OTUB2: variants seen among roughly 807,000 people sequenced by gnomAD.
OTUB2 encodes OTU deubiquitinase, ubiquitin aldehyde binding 2.
A neutral mutation model predicts 25.1 loss-of-function variants in OTUB2; 21 were observed. The observed-to-expected ratio is 0.84, with a 90% confidence interval of 0.59 to 1.21. The LOEUF (loss-of-function observed/expected upper bound fraction) is 1.21. OTUB2 is among the 50% of genes most tolerant of loss of function. OTUB2 has a pLI of 0.00. For synonymous variants in OTUB2, 122 were observed against 122.8 expected, an observed-to-expected ratio of 0.99 and a Z score of 0.04; for missense variants, 283 against 298.0, an observed-to-expected ratio of 0.95 and a Z score of 0.37.
intron 3 of OTUB2, 54 bp downstream of exon 3, chr14:94,039,135 G>C: frequency 7.2e-7 from 1 of 1,387,500 alleles, no homozygotes; most frequent in South Asian, 1.2e-5. Context: ...TGCTAGGTCA[G>C]CCTCAAGTCT....
At position 94,044,757 on chromosome 14, in the gene OTUB2, G is replaced by A; in HGVS notation, c.475G>A (p.Asp159Asn). The change falls in exon 5 of 6, where the codon GAC becomes AAC. Residue 159 changes from aspartate (D) to asparagine (N), a missense_variant. Physicochemically the swap from Asp to Asn is conservative, Grantham distance 23 (BLOSUM62 1). Transcript: ENST00000203664. ...FFRHFIDEEM[D>N]IKDFCTHEVE... ...CCGGCACTTCATTGATGAGGAGATG[G>A]ACATCAAAGACTTCTGCACTCACGT... The A allele has an allele frequency of 6.2e-7, 1 of 1,613,230 alleles. No individual in the cohort carries two copies. The highest frequency in any genetic ancestry group is 8.5e-7 in the Non-Finnish European group (1 of 1,179,958).
Position 94,044,608 on chromosome 14 carries a change from T to C in OTUB2, c.326T>C (p.Val109Ala). ...FNAFYSVVELVEKDGSVSSLL... is the reference protein window; with the variant it reads ...FNAFYSVVELAEKDGSVSSLL... The stretch of plus-strand genomic sequence containing the variant: ...CAGTTTTACAGTGTGGTGGAACTGG[T>C]AGAGAAGGATGGCTCAGTGTCCAGC... Residue 109 changes from valine (V) to alanine (A), a missense_variant, in exon 5 of 6, where the codon GTA becomes GCA. Transcript: ENST00000203664. 1.2e-6 allele frequency: 2 copies of C among 1,613,896 alleles called. No individual in the cohort carries two copies. The highest frequency in any genetic ancestry group is 1.7e-6 in the Non-Finnish European group (2 of 1,179,870).
intron 1 of OTUB2, among the ~76,000 whole-genome samples, chr14:94,032,773 G>T (rs959368380): frequency 6.6e-6 from 1 of 152,190 alleles, no homozygotes; most frequent in Non-Finnish European, 1.5e-5. Context: ...AGGGGCATGG[G>T]GGCATGGAGG....
intron 4 of OTUB2, 54 bp from the exon 5 acceptor site, chr14:94,044,532 G>A: frequency 6.5e-7 from 1 of 1,547,000 alleles, no homozygotes; most frequent in Non-Finnish European, 8.8e-7. Flanking sequence ...GGAGAATGCA[G>A]AGGGAGGGCT....
At chr14:94,040,828 T>C (rs1885146820) in intron 3 of OTUB2, among the ~76,000 whole-genome samples, 1 of 151,894 alleles carries the variant, frequency 6.6e-6, no homozygotes, top group Non-Finnish European at 1.5e-5. Flanking sequence ...GTGGGAAAAA[T>C]CAGGCAGGAA....
intron 3 of OTUB2, 141 bp from the exon 4 acceptor site, chr14:94,043,830 T>C: frequency 1.3e-6 from 1 of 756,204 alleles, no homozygotes; most frequent in Non-Finnish European, 2.4e-6. Context: ...GGCTGTGTGT[T>C]GGGGGCAGGG....
chr14:94,037,382 TG>T lies in OTUB2; in HGVS notation c.7del (p.Glu3LysfsTer6). On this transcript the variant is annotated frameshift_variant, in exon 2 of 6. Transcript: ENST00000203664. LOFTEE classifies it high-confidence loss of function. ...TTTCTTCCTTCCCTATCTTTCAGAGTGAAACATCTTTCAACCTAATATCAGA... is the reference window on the plus strand; with the variant it reads ...TTTCTTCCTTCCCTATCTTTCAGAGTAAACATCTTTCAACCTAATATCAGA... The part of the protein sequence containing the change: MS[E>X]TSFNLISEKC... 6.3e-7 allele frequency: 1 copy of T among 1,576,586 alleles called. No homozygotes were observed. The highest frequency in any genetic ancestry group is 1.1e-5 in the South Asian group (1 of 89,790).
chr14:94,033,584 A>G (rs1379771048), intron 1 of OTUB2, among the ~76,000 whole-genome samples: 1 of 152,206 alleles, frequency 6.6e-6, no homozygotes, highest in Admixed American at 6.5e-5. Flanking sequence ...TTTTTGATCT[A>G]TGATTTAAAA....
At chr14:94,038,889 G>A in intron 2 of OTUB2, 74 bp from the exon 3 acceptor site, 2 of 1,321,634 alleles carry the variant, frequency 1.5e-6, no homozygotes, top group Non-Finnish European at 2.2e-6. Context: ...GGGGGCACCT[G>A]GCCAGTCCCA....
At chr14:94,042,424 G>A (rs1885180591) in intron 3 of OTUB2, among the ~76,000 whole-genome samples, 1 of 151,574 alleles carries the variant, frequency 6.6e-6, no homozygotes, top group South Asian at 2.1e-4. Context: ...CCGTGCCCCA[G>A]TGCCTGGCAC....
rs1885311494 is a variant in OTUB2 at position 94,047,883 on chromosome 14, C to A, written c.*1961C>A. On this transcript the variant is annotated 3_prime_UTR_variant, in exon 6 of 6. Transcript: ENST00000203664. ...GTGCTGTGCTTCCAGGTCACAGAGC[C>A]CCCCGGAAACTCACAGGGGCCCTCT... The A allele has an allele frequency of 6.6e-6, 1 of 152,178 alleles. No individual in the cohort carries two copies. Among genetic ancestry groups the A allele is most frequent in the Non-Finnish European group, 1.5e-5 (1 of 68,058 alleles). The allele number at this position is 152,178 out of a possible 1,614,324, so 9.4% of individuals were successfully genotyped here. A position where few individuals can be genotyped will look rare whatever the true frequency, so the allele number is the denominator to read the frequency against.
intron 1 of OTUB2, among the ~76,000 whole-genome samples, chr14:94,031,238 G>GAA (rs34660745): frequency 0.092 from 11,367 of 124,186 alleles, 501 homozygotes; most frequent in Middle Eastern, 0.17. Context: ...TCCCATCTCA[G>GAA]AAAAAAAAAA....
At position 94,039,340 on chromosome 14, in the gene OTUB2, C is replaced by T. The variant is rs1325471167; in HGVS notation, c.218+259C>T. 9 of 534,370 alleles carry T rather than the reference C, an allele frequency of 1.7e-5. No individual in the cohort carries two copies. The African/African-American group carries it at 1.7e-4, about 10-fold the overall frequency. The allele number at this position is 534,370 out of a possible 1,614,324, so 33.1% of individuals were successfully genotyped here. On this transcript the variant is annotated intron_variant, in intron 3 of 5. Transcript: ENST00000203664. ...TGCTTCCACCACAGGCCTGGGTCAG[C>T]CCAGGTGAGTCGCAGGGAGCAGGTA...
intron 1 of OTUB2, among the ~76,000 whole-genome samples, chr14:94,035,337 T>G (rs1196591964): frequency 7.0e-6 from 1 of 142,344 alleles, no homozygotes; most frequent in Non-Finnish European, 1.5e-5. Context: ...TCACCCAGGC[T>G]GGAGTGCAGT....
chr14:94,029,830 A>T (rs58102267), intron 1 of OTUB2, among the ~76,000 whole-genome samples: 4,519 of 152,264 alleles, frequency 0.03, 227 homozygotes, highest in African/African-American at 0.1. Flanking sequence ...GCCGGGCAGC[A>T]TGCGGGTAAA....
At chr14:94,031,110 C>T (rs1884953453) in intron 1 of OTUB2, among the ~76,000 whole-genome samples, 2 of 152,028 alleles carry the variant, frequency 1.3e-5, no homozygotes, top group Non-Finnish European at 2.9e-5. Flanking sequence ...CTCACCTCAT[C>T]AATACAAAAA....
At chr14:94,044,829 CCT>C in intron 5 of OTUB2, 49 bp downstream of exon 5, 3 of 1,552,650 alleles carry the variant, frequency 1.9e-6, no homozygotes, top group Non-Finnish European at 2.6e-6. Flanking sequence ...CTCCTGTGGC[CCT>C]GTCCTGCAGA....
rs1053703843 is a variant in OTUB2 at position 94,047,971 on chromosome 14, G to C, written c.*2049G>C. ...GACACTCAAGCTCTGGCAGAGGAAG[G>C]CCAAGTTACTTTCATGGTCTTACCC... On this transcript the variant is annotated 3_prime_UTR_variant, in exon 6 of 6. Coordinates refer to ENST00000203664, the MANE Select transcript of OTUB2 (RefSeq NM_023112.4). 2 of 152,184 alleles carry C rather than the reference G, an allele frequency of 1.3e-5. No individual in the cohort carries two copies. Among genetic ancestry groups the C allele is most frequent in the Non-Finnish European group, 2.9e-5 (2 of 68,040 alleles). 9.4% of individuals were successfully genotyped at this position (152,184 alleles called of 1,614,324 possible).
chr14:94,041,448 T>A (rs566326118), intron 3 of OTUB2, among the ~76,000 whole-genome samples: 21 of 152,296 alleles, frequency 1.4e-4, no homozygotes, highest in South Asian at 8.3e-4. Flanking sequence ...TTTCTTTTTT[T>A]AAAATATTTT....
Sources: allele counts gnomAD v4.1 joint callset (sites outside exome capture counted in the v4.1 genomes callset), GRCh38; gene constraint gnomAD v4.1.1; transcripts MANE v1.5; gene names NCBI Gene and HGNC (gene_info 2026-07-23, HGNC 2026-07-21).